UBE2A: variants seen among roughly 807,000 people sequenced by gnomAD.
UBE2A encodes ubiquitin-conjugating enzyme E2 A.
For synonymous variants in UBE2A, 39 were observed against 41.1 expected (o/e 0.95, Z 0.20); for missense variants, 27 against 125.8 (o/e 0.21, Z 3.76).
intron 3 of UBE2A, 112 bp downstream of exon 3, chrX:119,575,512 G>T: frequency 9.9e-7 from 1 of 1,005,912 alleles, no homozygotes; most frequent in Non-Finnish European, 1.4e-6. Flanking sequence ...CCTAGCCTCT[G>T]TCTGCTAAAG....
intron 3 of UBE2A, chrX:119,580,653 C>A (rs775513379): frequency 8.9e-6 from 1 of 112,297 alleles, no homozygotes; most frequent in Admixed American, 9.4e-5. Flanking sequence ...CTTAACAATT[C>A]TTGAATGAGA....
At chrX:119,581,644 T>G in intron 4 of UBE2A, 48 bp downstream of exon 4, 1 of 960,200 alleles carries the variant, frequency 1.0e-6, no homozygotes, top group African/African-American at 1.9e-5. Flanking sequence ...TAGTGTTTAT[T>G]ATGGAGTATT....
chrX:119,581,234 C>A (rs2053448466), intron 3 of UBE2A: 1 of 214,643 alleles, frequency 4.7e-6, no homozygotes. Flanking sequence ...AGGATGTTTT[C>A]AAAATGTACA....
At chrX:119,578,394 G>C (rs1007245532) in intron 3 of UBE2A, among the ~76,000 whole-genome samples, 1 of 111,491 alleles carries the variant, frequency 9.0e-6, no homozygotes, top group Non-Finnish European at 1.9e-5. Flanking sequence ...GTGTTCTTTA[G>C]AATTGGGGTA....
intron 3 of UBE2A, among the ~76,000 whole-genome samples, chrX:119,579,954 G>A (rs1006095420): frequency 9.0e-6 from 1 of 111,570 alleles, no homozygotes; most frequent in African/African-American, 3.3e-5. Flanking sequence ...ATATTATAGT[G>A]TCAATAAATA....
At chrX:119,575,335 C>T (rs770247208) in intron 2 of UBE2A, 40 bp from the exon 3 acceptor site, 55 of 1,209,164 alleles carry the variant, frequency 4.5e-5, no homozygotes, top group Non-Finnish European at 6.1e-5. Context: ...GAGAAGGGGG[C>T]CCCTTAAGTG....
chrX:119,582,414 T>C (rs1319159095), intron 4 of UBE2A, 174 bp from the exon 5 acceptor site: 2 of 384,093 alleles, frequency 5.2e-6, no homozygotes, highest in Non-Finnish European at 9.2e-6. Context: ...CTGATCATCC[T>C]GATTATTTCA....
rs1376567338 is a variant in UBE2A at position 119,574,631 on chromosome X, TCTC to T, written c.-79_-77del. ...TGCTTCCGCCTCCCCTTCTCCTGCT[TCTC>T]CAGCCTCTTCGGCCTCCTCGCCCGC... On this transcript the variant is annotated 5_prime_UTR_variant, in exon 1 of 6. Coordinates refer to ENST00000371558, the MANE Select transcript of UBE2A (RefSeq NM_003336.4). 8.8e-7 allele frequency: 1 copy of T among 1,130,266 alleles called. No homozygotes were observed. The highest frequency in any genetic ancestry group is 1.8e-5 in the African/African-American group (1 of 55,427). The allele number at this position is 1,130,266 out of a possible 1,213,427, so 93.1% of individuals were successfully genotyped here.
At chrX:119,582,781 C>G (rs944307947) in intron 5 of UBE2A, 105 bp downstream of exon 5, 14 of 720,976 alleles carry the variant, frequency 1.9e-5, no homozygotes, top group Non-Finnish European at 2.5e-5. Flanking sequence ...TATTTTTGGT[C>G]AAAGCTTGTT....
chrX:119,581,635 A>C (rs369955105), intron 4 of UBE2A, 39 bp downstream of exon 4: 1 of 1,017,174 alleles, frequency 9.8e-7, no homozygotes, highest in African/African-American at 1.9e-5. Flanking sequence ...AAACTACTAT[A>C]GTGTTTATTA....
chrX:119,575,521 A>G (rs1044673356), intron 3 of UBE2A, 121 bp downstream of exon 3: 44 of 930,384 alleles, frequency 4.7e-5, no homozygotes, highest in African/African-American at 9.7e-5. Flanking sequence ...TGTCTGCTAA[A>G]GGCTTGAGTG....
In UBE2A at chrX:119,574,708, C is replaced by T. The variant is rs1569405231; in HGVS notation, c.-4C>T. ...TATGCCCCACCCCTGACCCCGCTCG[C>T]GACATGTCCACCCCGGCTCGGCGGC... On this transcript the variant is annotated 5_prime_UTR_variant, in exon 1 of 6. Transcript: ENST00000371558. 8.3e-7 allele frequency: 1 copy of T among 1,198,410 alleles called. No homozygotes were observed.
At chrX:119,578,474 C>A (rs1204286707) in intron 3 of UBE2A, among the ~76,000 whole-genome samples, 1 of 110,982 alleles carries the variant, frequency 9.0e-6, no homozygotes, top group African/African-American at 3.3e-5. Flanking sequence ...CAAAATGAAT[C>A]TCTAAAGTCC....
At chrX:119,578,508 TAAATC>T (rs950911129) in intron 3 of UBE2A, among the ~76,000 whole-genome samples, 1 of 111,716 alleles carries the variant, frequency 9.0e-6, no homozygotes, top group Non-Finnish European at 1.9e-5. Context: ...TAAATATAAA[TAAATC>T]CTATGATGAA....
At position 119,582,949 on chromosome X, in the gene UBE2A, TA is replaced by T. The variant is rs887191386; in HGVS notation, c.331-165del. Among the ~76,000 whole-genome samples the T allele has an allele frequency of 6.8e-3, 664 of 97,258 alleles. 6 individuals carry two copies. The highest frequency in any genetic ancestry group is 0.017 in the African/African-American group (470 of 26,930). The allele number at this position is 97,258 out of a possible 115,157, so 84.5% of individuals were successfully genotyped here. ...GCAACATAGTGAGACTCTTCTCCCT[TA>T]AAAAAAAAAAAAGCCGCATATATTT... On this transcript the variant is annotated intron_variant, in intron 5 of 5. Transcript: ENST00000371558.
chrX:119,576,786 A>C (rs2053418741), intron 3 of UBE2A, among the ~76,000 whole-genome samples: 1 of 112,334 alleles, frequency 8.9e-6, no homozygotes, highest in Non-Finnish European at 1.9e-5. Flanking sequence ...AAAGAAAAGA[A>C]ATGACAGCAG....
At position 119,581,898 on chromosome X, in the gene UBE2A, G is replaced by A. The variant is rs776677195; in HGVS notation, c.241+302G>A. Among the ~76,000 whole-genome samples the A allele has an allele frequency of 3.6e-5, 4 of 112,604 alleles. No individual in the cohort carries two copies. In the East Asian group the frequency reaches 1.1e-3, roughly 31 times the overall value. On this transcript the variant is annotated intron_variant, in intron 4 of 5. Transcript: ENST00000371558. ...TTTAATGCTAGGCCAGATTGGGATA[G>A]TCTTGTGTTGTAATTATTTTCACTA...
At chrX:119,583,079 T>C in intron 5 of UBE2A, 48 bp from the exon 6 acceptor site, 3 of 1,199,985 alleles carry the variant, frequency 2.5e-6, no homozygotes, top group Non-Finnish European at 3.4e-6. Context: ...CCTTATAAAA[T>C]AGTTGTTTTG....
rs758537793 is a variant in UBE2A at position 119,583,284 on chromosome X, A to G, written c.*29A>G. 1.7e-6 allele frequency: 2 copies of G among 1,210,482 alleles called. No homozygotes were observed. Among genetic ancestry groups the G allele is most frequent in the Non-Finnish European group, 2.2e-6 (2 of 894,623 alleles). On this transcript the variant is annotated 3_prime_UTR_variant, in exon 6 of 6. Transcript: ENST00000371558. The stretch of plus-strand genomic sequence containing the variant: ...CGGGTACAGTTTAAAGAAGCTGGCC[A>G]TAAGAAAAATATATATTGATGTGTT...
Sources: gnomAD v4.1 joint callset for allele counts (sites outside exome capture counted in the v4.1 genomes callset) on GRCh38, gnomAD v4.1.1 for gene constraint, MANE v1.5 for transcripts, NCBI Gene and HGNC (gene_info 2026-07-23, HGNC 2026-07-21) for gene names.